Variants in KLHL32 observed in about 807,000 individuals in gnomAD.
KLHL32 encodes kelch like family member 32, also known as kelch-like protein 32.
In KLHL32, 35 loss-of-function variants were observed where a neutral mutation model predicts 64.8. That is an observed-to-expected ratio of 0.54 (90% CI 0.41 to 0.72). The LOEUF is 0.72. Among genes scored for constraint, KLHL32 ranks in the 30% least tolerant of loss-of-function variants. The probability of loss-of-function intolerance (pLI) is 0.00; values close to 1 mark genes in which losing one functional copy is unlikely to be tolerated. For synonymous variants in KLHL32, 259 were observed against 281.0 expected, an observed-to-expected ratio of 0.92 and a Z score of 0.78; for missense variants, 589 against 768.5, an observed-to-expected ratio of 0.77 and a Z score of 2.76.
At chr6:96,964,234 G>T (rs1243113883) in intron 1 of KLHL32, among the ~76,000 whole-genome samples, 1 of 152,186 alleles carries the variant, frequency 6.6e-6, no homozygotes, top group Non-Finnish European at 1.5e-5. Flanking sequence ...ACAGCCTTGG[G>T]TTAATCCATG....
At chr6:96,908,206 T>G in the KLHL32 span, among the ~76,000 whole-genome samples, 1 of 152,086 alleles carries the variant, frequency 6.6e-6, no homozygotes, top group African/African-American at 2.4e-5. Flanking sequence ...ACAAGGGAAA[T>G]AGGAGGAAAT....
intron 3 of KLHL32, among the ~76,000 whole-genome samples, chr6:96,983,865 G>C (rs547597646): frequency 1.3e-5 from 2 of 152,052 alleles, no homozygotes; most frequent in Non-Finnish European, 2.9e-5. Flanking sequence ...AGGGTTCTTT[G>C]TGTCTCTATT....
intron 1 of KLHL32, among the ~76,000 whole-genome samples, chr6:96,941,772 T>G (rs1248026290): frequency 4.6e-5 from 7 of 152,154 alleles, no homozygotes; most frequent in Non-Finnish European, 8.8e-5. Flanking sequence ...ATTTGTCCTT[T>G]ACTGATCTCT....
At chr6:96,915,400 C>A in the KLHL32 span, among the ~76,000 whole-genome samples, 1 of 152,120 alleles carries the variant, frequency 6.6e-6, no homozygotes, top group Non-Finnish European at 1.5e-5. Flanking sequence ...TAATGAAAGA[C>A]ACTGACATAT....
At chr6:96,955,072 T>G (rs1441646016) in intron 1 of KLHL32, among the ~76,000 whole-genome samples, 2 of 152,160 alleles carry the variant, frequency 1.3e-5, no homozygotes, top group Non-Finnish European at 2.9e-5. Context: ...CAAGCTCTGT[T>G]TTGTCTCTTC....
At chr6:96,950,739 C>T (rs7767724) in intron 1 of KLHL32, among the ~76,000 whole-genome samples, 15,058 of 152,150 alleles carry the variant, frequency 0.099, 792 homozygotes, top group Middle Eastern at 0.16. Context: ...TTAGCATGTT[C>T]GTCACACCAA....
At position 97,056,145 on chromosome 6, in the gene KLHL32, A is replaced by G. The variant is rs528755607; in HGVS notation, c.313-8483A>G. Among the ~76,000 whole-genome samples, 165 of 119,916 alleles carry G rather than the reference A, an allele frequency of 1.4e-3. 1 individual carries two copies. Among genetic ancestry groups the G allele is most frequent in the Admixed American group, 4.4e-3 (35 of 7,902 alleles). The allele number at this position is 119,916 out of a possible 152,430, so 78.7% of individuals were successfully genotyped here. ...TTTTGAGATGAAGTCTCGCTCTGTC[A>G]CCCAGGCTGGAGTGCAGTGGCACGA... On this transcript the variant is annotated intron_variant, in intron 4 of 10. Transcript: ENST00000369261.
chr6:97,041,641 T>C (rs754578809), intron 4 of KLHL32, 42 bp downstream of exon 4: 5 of 1,139,888 alleles, frequency 4.4e-6, no homozygotes, highest in Non-Finnish European at 6.7e-6. Flanking sequence ...ACATTTCAAC[T>C]ACATCTAACC....
chr6:97,104,707 G>A (rs934262398), intron 6 of KLHL32, among the ~76,000 whole-genome samples: 1 of 152,138 alleles, frequency 6.6e-6, no homozygotes, highest in African/African-American at 2.4e-5. Context: ...GTCTTACAAG[G>A]AAAATGTTGA....
At chr6:97,037,672 A>G (rs1395412618) in intron 3 of KLHL32, among the ~76,000 whole-genome samples, 1 of 152,114 alleles carries the variant, frequency 6.6e-6, no homozygotes, top group Non-Finnish European at 1.5e-5. Flanking sequence ...ACAGAAATAG[A>G]AAAAAATCTT....
chr6:96,991,196 G>A (rs1777831093), intron 3 of KLHL32, among the ~76,000 whole-genome samples: 1 of 151,694 alleles, frequency 6.6e-6, no homozygotes, highest in Admixed American at 6.6e-5. Context: ...GTGCACTGGC[G>A]GTGGCAGAGG....
intron 6 of KLHL32, among the ~76,000 whole-genome samples, chr6:97,096,079 T>C (rs1794946926): frequency 6.6e-6 from 1 of 152,190 alleles, no homozygotes; most frequent in South Asian, 2.1e-4. Flanking sequence ...ACTGTTATTT[T>C]ATAGGTCTTC....
intron 1 of KLHL32, among the ~76,000 whole-genome samples, chr6:96,957,358 A>C (rs1241365130): frequency 6.6e-6 from 1 of 152,152 alleles, no homozygotes; most frequent in African/African-American, 2.4e-5. Flanking sequence ...AGAACTTTTT[A>C]TTACAGGACT....
intron 6 of KLHL32, among the ~76,000 whole-genome samples, chr6:97,098,667 T>G (rs1194834717): frequency 6.6e-6 from 1 of 152,170 alleles, no homozygotes; most frequent in Non-Finnish European, 1.5e-5. Context: ...CAGCCCTTAT[T>G]TAATGAACAG....
intron 4 of KLHL32, among the ~76,000 whole-genome samples, chr6:97,056,905 AC>A (rs1440813684): frequency 6.6e-6 from 1 of 152,174 alleles, no homozygotes. Context: ...TTATTTCGCA[AC>A]TACTCAACTT....
intron 3 of KLHL32, among the ~76,000 whole-genome samples, chr6:97,000,269 C>T (rs1205166710): frequency 6.6e-6 from 1 of 152,164 alleles, no homozygotes; most frequent in African/African-American, 2.4e-5. Context: ...TTAATTGATG[C>T]TACTCAAAGT....
chr6:97,047,821 A>G (rs1786165663), intron 4 of KLHL32, among the ~76,000 whole-genome samples: 1 of 152,182 alleles, frequency 6.6e-6, no homozygotes. Flanking sequence ...AAGAGCAGAA[A>G]ACATCAAGAC....
In KLHL32 at chr6:97,139,446, C is replaced by A; in HGVS notation, c.*164C>A. 1 of 615,608 alleles carries A rather than the reference C, an allele frequency of 1.6e-6. No individual in the cohort carries two copies. Among genetic ancestry groups the A allele is most frequent in the South Asian group, 2.1e-5 (1 of 47,690 alleles). The allele number at this position is 615,608 out of a possible 1,614,324, so 38.1% of individuals were successfully genotyped here. ...ATTTTCTAAAATACGTTATTGAAAA[C>A]TCGTCACCCTTCTCAGTGTATGTCA... On this transcript the variant is annotated 3_prime_UTR_variant, in exon 11 of 11. Transcript: ENST00000369261.
chr6:97,113,224 G>A (rs865864262), intron 6 of KLHL32, among the ~76,000 whole-genome samples: 2 of 152,112 alleles, frequency 1.3e-5, no homozygotes, highest in African/African-American at 4.8e-5. Flanking sequence ...CCTACTAAAG[G>A]GATGTGGGGT....
Sources: allele counts gnomAD v4.1 joint callset (sites outside exome capture counted in the v4.1 genomes callset), GRCh38; gene constraint gnomAD v4.1.1; transcripts MANE v1.5; gene names NCBI Gene and HGNC (gene_info 2026-07-23, HGNC 2026-07-21).